The following RBMS1 variants were observed in gnomAD, a reference collection of about 807,000 sequenced individuals.
RBMS1 encodes RNA-binding motif, single-stranded-interacting protein 1.
In RBMS1, 17 loss-of-function variants were observed where a neutral mutation model predicts 62.3. The observed-to-expected ratio is 0.27, with a 90% CI of 0.19 to 0.41. The LOEUF is 0.41. Among genes scored for constraint, RBMS1 ranks in the 10% least tolerant of loss-of-function variants. RBMS1 has a pLI of 1.00. For synonymous variants in RBMS1, 172 were observed against 170.0 expected (o/e 1.01, Z -0.09); for missense variants, 334 against 504.5 (o/e 0.66, Z 3.24).
intron 4 of RBMS1, among the ~76,000 whole-genome samples, chr2:160,306,251 C>T (rs570613781): frequency 6.6e-6 from 1 of 151,798 alleles, no homozygotes; most frequent in South Asian, 2.1e-4. Context: ...AGGGGATCGA[C>T]AATGTAGGCA....
chr2:160,367,023 G>A (rs1693435897), intron 2 of RBMS1, 193 bp downstream of exon 2: 1 of 415,844 alleles, frequency 2.4e-6, no homozygotes, highest in Non-Finnish European at 4.1e-6. Context: ...TTGATATGTA[G>A]CCAGTCTGAT....
rs990528131 is a variant in RBMS1 at position 160,458,156 on chromosome 2, A to C, written c.75+35133T>G. Among the ~76,000 whole-genome samples the C allele has an allele frequency of 5.3e-5, 8 of 151,814 alleles. No individual in the cohort carries two copies. The Middle Eastern group carries it at 0.01, about 194-fold the overall frequency. ...TATTTTTATTTTTCATAGAGATAGA[A>C]TCTCACTTTGTTGCCCAGGCTGGTC... On this transcript the variant is annotated intron_variant, in intron 1 of 13. Transcript: ENST00000348849.
At chr2:160,311,232 C>CTA (rs10530445) in intron 4 of RBMS1, among the ~76,000 whole-genome samples, 1,745 of 79,204 alleles carry the variant, frequency 0.022, 52 homozygotes, top group African/African-American at 0.058. Flanking sequence ...ATCTATCTAT[C>CTA]TATATATATA....
At chr2:160,328,445 T>C (rs1219319079) in intron 2 of RBMS1, among the ~76,000 whole-genome samples, 1 of 151,906 alleles carries the variant, frequency 6.6e-6, no homozygotes, top group African/African-American at 2.4e-5. Context: ...TCAACATACA[T>C]TGGTTTGAGT....
At chr2:160,461,896 C>T (rs980271832) in intron 1 of RBMS1, among the ~76,000 whole-genome samples, 4 of 152,186 alleles carry the variant, frequency 2.6e-5, no homozygotes, top group African/African-American at 9.7e-5. Context: ...CCATTTGCTT[C>T]GTTGTAAAAC....
intron 1 of RBMS1, among the ~76,000 whole-genome samples, chr2:160,442,737 C>T (rs1683459338): frequency 1.3e-5 from 2 of 152,126 alleles, no homozygotes; most frequent in South Asian, 2.1e-4. Flanking sequence ...TGTAAAATAT[C>T]CACGACTTGT....
intron 4 of RBMS1, among the ~76,000 whole-genome samples, chr2:160,312,023 G>C (rs1284250949): frequency 6.6e-6 from 1 of 152,202 alleles, no homozygotes; most frequent in Non-Finnish European, 1.5e-5. Context: ...GTCATTCCAA[G>C]TGTGACTCTC....
intron 2 of RBMS1, among the ~76,000 whole-genome samples, chr2:160,319,666 T>C (rs1690443684): frequency 6.6e-6 from 1 of 152,236 alleles, no homozygotes; most frequent in African/African-American, 2.4e-5. Context: ...AATTTTCTCA[T>C]GAATGATTTT....
At chr2:160,444,326 C>A (rs1043422141) in intron 1 of RBMS1, among the ~76,000 whole-genome samples, 12 of 152,190 alleles carry the variant, frequency 7.9e-5, no homozygotes, top group African/African-American at 2.7e-4. Context: ...GATATGTAAA[C>A]ATAAAGTACG....
intron 1 of RBMS1, among the ~76,000 whole-genome samples, chr2:160,431,033 G>T (rs1410540854): frequency 6.6e-6 from 1 of 150,826 alleles, no homozygotes; most frequent in African/African-American, 2.4e-5. Context: ...AAAGACACTG[G>T]ATTTTTCCCA....
intron 4 of RBMS1, among the ~76,000 whole-genome samples, chr2:160,311,228 C>CTCTCTA (rs1689856905): frequency 1.0e-5 from 1 of 95,944 alleles, no homozygotes; most frequent in East Asian, 2.7e-4. Context: ...ATCTATCTAT[C>CTCTCTA]TATCTATATA....
intron 1 of RBMS1, among the ~76,000 whole-genome samples, chr2:160,443,567 C>A (rs1417388010): frequency 6.6e-6 from 1 of 151,942 alleles, no homozygotes; most frequent in African/African-American, 2.4e-5. Context: ...CCCCCACCCC[C>A]ACTCTCTCTC....
intron 1 of RBMS1, among the ~76,000 whole-genome samples, chr2:160,450,941 G>A (rs1574075979): frequency 6.6e-6 from 1 of 152,152 alleles, no homozygotes; most frequent in East Asian, 1.9e-4. Context: ...GGGAGGCCAA[G>A]GCAGGAGGAT....
chr2:160,444,136 A>T (rs2105307695), intron 1 of RBMS1, among the ~76,000 whole-genome samples: 1 of 152,332 alleles, frequency 6.6e-6, no homozygotes, highest in Non-Finnish European at 1.5e-5. Flanking sequence ...CAGGTAGAAA[A>T]CCAGTGTGTG....
In RBMS1 at chr2:160,274,420, T is replaced by C. The variant is rs1452460884; in HGVS notation, c.*352A>G. 4.6e-5 allele frequency: 7 copies of C among 151,450 alleles called. No homozygotes were observed. Among genetic ancestry groups the C allele is most frequent in the Admixed American group, 2.6e-4 (4 of 15,184 alleles). 9.4% of individuals were successfully genotyped at this position (151,450 alleles called of 1,614,324 possible). A position where few individuals can be genotyped will look rare whatever the true frequency, so the allele number is the denominator to read the frequency against. ...GGTCATGCACTTGGATAAGTCTTCA[T>C]GGTCTTTGTGCATACCCAGAAAATT... On this transcript the variant is annotated 3_prime_UTR_variant, in exon 14 of 14. Transcript: ENST00000348849.
intron 2 of RBMS1, among the ~76,000 whole-genome samples, chr2:160,349,660 G>A (rs558259954): frequency 1.8e-4 from 28 of 151,978 alleles, no homozygotes; most frequent in Admixed American, 3.3e-4. Flanking sequence ...AAATGCCTCC[G>A]CAATTAGGGA....
intron 2 of RBMS1, among the ~76,000 whole-genome samples, chr2:160,334,582 C>T (rs1261174028): frequency 6.6e-6 from 1 of 152,142 alleles, no homozygotes; most frequent in Non-Finnish European, 1.5e-5. Flanking sequence ...TCAGGTTCCA[C>T]TGAAGCTCTT....
chr2:160,391,892 G>A (rs1347294718), intron 1 of RBMS1, among the ~76,000 whole-genome samples: 4 of 152,000 alleles, frequency 2.6e-5, no homozygotes, highest in Middle Eastern at 3.2e-3. Flanking sequence ...GCAGGGAGGC[G>A]GAGGTTGCAC....
At chr2:160,449,108 G>A (rs372875814) in intron 1 of RBMS1, among the ~76,000 whole-genome samples, 12,449 of 149,118 alleles carry the variant, frequency 0.083, 798 homozygotes, top group Admixed American at 0.23. Context: ...CAGCCGCCCC[G>A]TCTGGGAAGT....
Sources: gnomAD v4.1 joint callset for allele counts (sites outside exome capture counted in the v4.1 genomes callset) on GRCh38, gnomAD v4.1.1 for gene constraint, MANE v1.5 for transcripts, NCBI Gene and HGNC (gene_info 2026-07-23, HGNC 2026-07-21) for gene names.